The following TNIK variants were observed in gnomAD, a reference collection of about 807,000 sequenced individuals.
TNIK encodes TRAF2 and NCK-interacting protein kinase.
A neutral mutation model predicts 191.3 loss-of-function variants in TNIK; 49 were observed. That is an observed-to-expected ratio of 0.26 (90% CI 0.20 to 0.32). The LOEUF (loss-of-function observed/expected upper bound fraction) is 0.32, where lower values mean the gene tolerates loss of function less well. Ranked by LOEUF, TNIK falls within the 10% of genes least tolerant of loss-of-function variation. The probability of loss-of-function intolerance (pLI) is 1.00; values close to 1 mark genes in which losing one functional copy is unlikely to be tolerated. For missense variants in TNIK, 1,155 were observed against 1,702.3 expected (o/e 0.68, Z 5.66); for synonymous variants, 594 against 600.9 (o/e 0.99, Z 0.17).
intron 3 of TNIK, among the ~76,000 whole-genome samples, chr3:171,219,546 G>T (rs946616287): frequency 5.3e-5 from 8 of 151,718 alleles, no homozygotes; most frequent in Non-Finnish European, 8.8e-5. Context: ...AAATGAGAAA[G>T]AACTTTTAAT....
At position 171,108,196 on chromosome 3, in the gene TNIK, T is replaced by A. The variant is rs1171928531; in HGVS notation, c.2285-34A>T. 4 of 1,490,046 alleles carry A rather than the reference T, an allele frequency of 2.7e-6. No individual in the cohort carries two copies. The Middle Eastern group carries it at 7.1e-4, about 264-fold the overall frequency. The allele number at this position is 1,490,046 out of a possible 1,614,324, so 92.3% of individuals were successfully genotyped here. On this transcript the variant is annotated intron_variant, in intron 19 of 32. Transcript: ENST00000436636. ...AAAAAACAGAGGACCAAGAAAGAGA[T>A]GGCCATCAAAAAGTGCTGGCTCAAG...
At chr3:171,393,114 A>T (rs1719782678) in intron 1 of TNIK, among the ~76,000 whole-genome samples, 1 of 152,158 alleles carries the variant, frequency 6.6e-6, no homozygotes, top group Non-Finnish European at 1.5e-5. Context: ...AGCTCAGTGC[A>T]CTTTCTCAGG....
At chr3:171,258,962 C>T (rs553833319) in intron 2 of TNIK, among the ~76,000 whole-genome samples, 8 of 152,260 alleles carry the variant, frequency 5.3e-5, no homozygotes, top group Admixed American at 1.3e-4. Flanking sequence ...CACGCAAACA[C>T]GCCACTGAAA....
At chr3:171,232,392 AG>A (rs1411891940) in intron 2 of TNIK, among the ~76,000 whole-genome samples, 1 of 152,146 alleles carries the variant, frequency 6.6e-6, no homozygotes, top group Admixed American at 6.5e-5. Context: ...AATTCTGAAA[AG>A]AAAAAACTTC....
intron 3 of TNIK, 48 bp downstream of exon 3, chr3:171,228,117 C>A: frequency 6.2e-7 from 1 of 1,603,202 alleles, no homozygotes; most frequent in South Asian, 1.1e-5. Context: ...CATCATAAGT[C>A]AAGGAGCATC....
At chr3:171,368,082 T>C (rs1194636649) in intron 2 of TNIK, among the ~76,000 whole-genome samples, 1 of 152,246 alleles carries the variant, frequency 6.6e-6, no homozygotes. Flanking sequence ...CAAGAAATTA[T>C]GGATAATTCT....
At chr3:171,168,350 G>A (rs1033819140) in intron 9 of TNIK, among the ~76,000 whole-genome samples, 2 of 152,174 alleles carry the variant, frequency 1.3e-5, no homozygotes, top group African/African-American at 4.8e-5. Context: ...CTCCTGTGGT[G>A]CACAGGGGAG....
At chr3:171,242,223 C>G (rs913734744) in intron 2 of TNIK, among the ~76,000 whole-genome samples, 1 of 151,920 alleles carries the variant, frequency 6.6e-6, no homozygotes, top group Non-Finnish European at 1.5e-5. Flanking sequence ...TCCTCTTTCC[C>G]TGACATAAAT....
At position 171,068,899 on chromosome 3, in the gene TNIK, A is replaced by C. The variant is rs750861605; in HGVS notation, c.3648T>G (p.His1216Gln). Residue 1216 changes from histidine (H) to glutamine (Q), a missense_variant, in exon 30 of 33, where the codon CAT becomes CAG. By Grantham distance (24) the His-to-Gln change is conservative (BLOSUM62 0). Transcript: ENST00000436636. ...KVIFGSHTGF[H>Q]VIDVDSGNSY... is the part of the protein sequence containing the mutation. Reference sequence around the variant, plus strand: ...AGTTTCCTGAATCAACATCAATTACATGGAAACCAGTGTGTGAACCAAAAA... The same window carrying C: ...AGTTTCCTGAATCAACATCAATTACCTGGAAACCAGTGTGTGAACCAAAAA... 1 of 1,613,872 alleles carries C rather than the reference A, an allele frequency of 6.2e-7. No individual in the cohort carries two copies. Among genetic ancestry groups the C allele is most frequent in the Non-Finnish European group, 8.5e-7 (1 of 1,179,812 alleles).
At chr3:171,305,620 A>G (rs1023948389) in intron 2 of TNIK, among the ~76,000 whole-genome samples, 1 of 152,178 alleles carries the variant, frequency 6.6e-6, no homozygotes, top group African/African-American at 2.4e-5. Context: ...AAAACGCTCA[A>G]TATCACTAAC....
chr3:171,096,749 T>G lies in TNIK; in HGVS notation c.2592-2781A>C, dbSNP rs373944518. 1.1e-4 allele frequency among the ~76,000 whole-genome samples: 17 copies of G among 152,296 alleles called. No individual in the cohort carries two copies. In the East Asian group the frequency reaches 3.3e-3, roughly 29 times the overall value. On this transcript the variant is annotated intron_variant, in intron 22 of 32. Transcript: ENST00000436636. Reference sequence around the variant, plus strand: ...AATACACAGTCCTGCAATGATCAGATCTCATTAATGTTGGTATTTTCAGTG... The same window carrying G: ...AATACACAGTCCTGCAATGATCAGAGCTCATTAATGTTGGTATTTTCAGTG...
intron 17 of TNIK, among the ~76,000 whole-genome samples, chr3:171,125,673 C>T (rs529604736): frequency 4.9e-4 from 74 of 152,230 alleles, no homozygotes; most frequent in African/African-American, 1.7e-3. Context: ...TAACTTTGGA[C>T]GTAGGATCTG....
chr3:171,298,784 G>T (rs1035037606), intron 2 of TNIK, among the ~76,000 whole-genome samples: 3 of 152,186 alleles, frequency 2.0e-5, no homozygotes, highest in Non-Finnish European at 4.4e-5. Flanking sequence ...TGTTCCTGCA[G>T]CACATCTATC....
intron 14 of TNIK, 150 bp downstream of exon 14, chr3:171,139,320 T>G (rs1365457278): frequency 3.0e-6 from 2 of 664,718 alleles, no homozygotes; most frequent in Non-Finnish European, 5.2e-6. Context: ...TTGAGGTCCC[T>G]GAGGCTTAGA....
chr3:171,361,734 C>T (rs1410436556), intron 2 of TNIK, among the ~76,000 whole-genome samples: 1 of 152,122 alleles, frequency 6.6e-6, no homozygotes, highest in South Asian at 2.1e-4. Context: ...CAGGAATCTG[C>T]CACCTCCTAT....
intron 1 of TNIK, among the ~76,000 whole-genome samples, chr3:171,398,441 T>G (rs1034244996): frequency 6.6e-6 from 1 of 152,232 alleles, no homozygotes; most frequent in Non-Finnish European, 1.5e-5. Flanking sequence ...ATATCTTCTA[T>G]TTAGTACCTG....
intron 1 of TNIK, among the ~76,000 whole-genome samples, chr3:171,393,455 G>C (rs147854892): frequency 6.6e-6 from 1 of 152,134 alleles, no homozygotes; most frequent in African/African-American, 2.4e-5. Flanking sequence ...ATTATCCCTC[G>C]ATATTTCTTT....
intron 2 of TNIK, among the ~76,000 whole-genome samples, chr3:171,355,709 GA>G (rs945523444): frequency 6.6e-5 from 10 of 152,114 alleles, no homozygotes; most frequent in African/African-American, 2.4e-4. Flanking sequence ...AACCTGTAAG[GA>G]AAAAAGTGAA....
intron 1 of TNIK, among the ~76,000 whole-genome samples, chr3:171,410,697 T>C (rs1722278196): frequency 7.1e-6 from 1 of 140,238 alleles, no homozygotes; most frequent in Non-Finnish European, 1.5e-5. Context: ...GAGAATGGCA[T>C]GAACCCGGGA....
Sources: gnomAD v4.1 joint callset for allele counts (sites outside exome capture counted in the v4.1 genomes callset) on GRCh38, gnomAD v4.1.1 for gene constraint, MANE v1.5 for transcripts, NCBI Gene and HGNC (gene_info 2026-07-23, HGNC 2026-07-21) for gene names.